The following UBE2H variants were observed in gnomAD, a reference collection of about 807,000 sequenced individuals.
UBE2H encodes ubiquitin conjugating enzyme E2 H, also known as ubiquitin-conjugating enzyme E2 H.
Under a neutral mutation model 29.0 loss-of-function variants are expected in UBE2H, and 3 were observed. The ratio of observed to expected loss-of-function variants is 0.10; its 90% CI spans 0.05 to 0.27. The LOEUF (loss-of-function observed/expected upper bound fraction) is 0.27, where lower values mean the gene tolerates loss of function less well. Ranked by LOEUF, UBE2H falls within the 10% of genes least tolerant of loss-of-function variation. UBE2H has a pLI of 1.00. For synonymous variants in UBE2H, 69 were observed against 82.9 expected (o/e 0.83, Z 0.91); for missense variants, 68 against 228.2 (o/e 0.30, Z 4.52).
chr7:129,858,681 C>A (rs1024183583), intron 4 of UBE2H, among the ~76,000 whole-genome samples: 2 of 151,872 alleles, frequency 1.3e-5, no homozygotes, highest in African/African-American at 4.8e-5. Context: ...AATGAAGGAC[C>A]CAGTCACGAC....
chr7:129,919,250 G>A (rs1168981582), intron 1 of UBE2H, among the ~76,000 whole-genome samples: 1 of 152,010 alleles, frequency 6.6e-6, no homozygotes, highest in African/African-American at 2.4e-5. Flanking sequence ...AAAGACTATA[G>A]TAAACAGCTA....
chr7:129,952,730 G>A lies in UBE2H; in HGVS notation c.-175C>T, dbSNP rs1807908721. On this transcript the variant is annotated 5_prime_UTR_variant, in exon 1 of 7. Transcript: ENST00000355621. ...CCCGCACGGGGGAACACCGGGCACT[G>A]TCCGGCCGGGTGGGGGTGGGGACCC... 6.6e-6 allele frequency: 4 copies of A among 606,214 alleles called. No homozygotes were observed. The highest frequency in any genetic ancestry group is 9.8e-6 in the Non-Finnish European group (4 of 410,074). The allele number at this position is 606,214 out of a possible 1,614,324, so 37.6% of individuals were successfully genotyped here.
intron 3 of UBE2H, among the ~76,000 whole-genome samples, chr7:129,874,668 G>A (rs535408354): frequency 6.6e-6 from 1 of 151,974 alleles, no homozygotes; most frequent in Non-Finnish European, 1.5e-5. Flanking sequence ...CTTATCAAAA[G>A]TATCCCCATT....
chr7:129,878,201 T>C (rs1806184771), intron 3 of UBE2H, among the ~76,000 whole-genome samples: 1 of 152,148 alleles, frequency 6.6e-6, no homozygotes, highest in African/African-American at 2.4e-5. Context: ...ATACAGGTGC[T>C]AAGTCAGATG....
intron 5 of UBE2H, among the ~76,000 whole-genome samples, chr7:129,855,179 T>C (rs1302290138): frequency 2.0e-5 from 3 of 152,238 alleles, no homozygotes; most frequent in Non-Finnish European, 4.4e-5. Flanking sequence ...TATAATTCAG[T>C]GAAACTGTTA....
intron 1 of UBE2H, among the ~76,000 whole-genome samples, chr7:129,942,599 T>C (rs937368254): frequency 6.6e-6 from 1 of 152,194 alleles, no homozygotes; most frequent in African/African-American, 2.4e-5. Context: ...CCTGAGTTTA[T>C]TCCATGTGAA....
intron 1 of UBE2H, among the ~76,000 whole-genome samples, chr7:129,941,294 C>A (rs1266360415): frequency 1.3e-5 from 2 of 151,652 alleles, no homozygotes; most frequent in East Asian, 3.9e-4. Flanking sequence ...CAATGCCCGG[C>A]TAATTTTTTG....
chr7:129,859,103 A>G lies in UBE2H; in HGVS notation c.206-162T>C, dbSNP rs1014065216. On this transcript the variant is annotated intron_variant, in intron 3 of 6. Coordinates refer to ENST00000355621, the MANE Select transcript of UBE2H (RefSeq NM_003344.4). Reference sequence around the variant, plus strand: ...TACTGATAAACATTATATTCTCCTGATAGCTCCAATTATTTGGAATACATC... The same window carrying G: ...TACTGATAAACATTATATTCTCCTGGTAGCTCCAATTATTTGGAATACATC... 6.7e-6 allele frequency: 4 copies of G among 601,454 alleles called. No homozygotes were observed. The African/African-American group carries it at 7.5e-5, about 11-fold the overall frequency. 37.3% of individuals were successfully genotyped at this position (601,454 alleles called of 1,614,324 possible).
intron 5 of UBE2H, among the ~76,000 whole-genome samples, chr7:129,852,446 G>A (rs1040793423): frequency 4.7e-5 from 7 of 149,848 alleles, no homozygotes; most frequent in African/African-American, 7.4e-5. Flanking sequence ...CAGCCTGGGC[G>A]ACAGAGCGAG....
chr7:129,898,119 G>A (rs531275617), intron 1 of UBE2H, among the ~76,000 whole-genome samples: 1 of 152,164 alleles, frequency 6.6e-6, no homozygotes, highest in Non-Finnish European at 1.5e-5. Context: ...ACACCAATAT[G>A]AGTAAATAAG....
chr7:129,914,720 T>A (rs958617145), intron 1 of UBE2H, among the ~76,000 whole-genome samples: 8 of 152,152 alleles, frequency 5.3e-5, no homozygotes, highest in Non-Finnish European at 8.8e-5. Context: ...CCACACTCTC[T>A]GCCAGACAGT....
chr7:129,855,633 T>TAG (rs923624324), intron 5 of UBE2H, among the ~76,000 whole-genome samples: 3 of 151,870 alleles, frequency 2.0e-5, no homozygotes, highest in Admixed American at 6.6e-5. Flanking sequence ...TGCGTGTGTA[T>TAG]AGAGAGAGAG....
At chr7:129,928,399 T>C (rs1216720704) in intron 1 of UBE2H, among the ~76,000 whole-genome samples, 1 of 152,164 alleles carries the variant, frequency 6.6e-6, no homozygotes, top group Non-Finnish European at 1.5e-5. Context: ...GGTCAGGAGT[T>C]CAAGACCAGC....
chr7:129,838,214 TCAA>T (rs1805365378), intron 6 of UBE2H, among the ~76,000 whole-genome samples: 1 of 152,244 alleles, frequency 6.6e-6, no homozygotes, highest in South Asian at 2.1e-4. Flanking sequence ...CTGCTTTATC[TCAA>T]CAACAGCTCC....
At chr7:129,892,840 TTA>T (rs1806524743) in intron 1 of UBE2H, among the ~76,000 whole-genome samples, 1 of 151,346 alleles carries the variant, frequency 6.6e-6, no homozygotes, top group Admixed American at 6.6e-5. Flanking sequence ...TGAGATTACT[TTA>T]TGTTTAAAAA....
chr7:129,947,014 G>C (rs1023949388), intron 1 of UBE2H, among the ~76,000 whole-genome samples: 2 of 150,230 alleles, frequency 1.3e-5, no homozygotes, highest in Admixed American at 6.8e-5. Context: ...TAAAATGCAG[G>C]TCAAGGGGCT....
chr7:129,859,588 T>A (rs1352712752), intron 3 of UBE2H, among the ~76,000 whole-genome samples: 1 of 152,220 alleles, frequency 6.6e-6, no homozygotes, highest in African/African-American at 2.4e-5. Context: ...TGTTGGAGGT[T>A]TAAGTTTTTA....
chr7:129,918,378 T>G lies in UBE2H; in HGVS notation c.53+34125A>C, dbSNP rs1368373201. Among the ~76,000 whole-genome samples, 4 of 150,148 alleles carry G rather than the reference T, an allele frequency of 2.7e-5. No homozygotes were observed. The East Asian group carries it at 7.8e-4, about 29-fold the overall frequency. ...ATCCAAATTCTTTTTTTTTTTTTTTTGAGACAGTCTTGCTCTGTCACCCAG... is the reference window on the plus strand; with the variant it reads ...ATCCAAATTCTTTTTTTTTTTTTTTGGAGACAGTCTTGCTCTGTCACCCAG... On this transcript the variant is annotated intron_variant, in intron 1 of 6. Transcript: ENST00000355621.
chr7:129,865,812 A>C (rs1805893663), intron 3 of UBE2H, among the ~76,000 whole-genome samples: 1 of 152,230 alleles, frequency 6.6e-6, no homozygotes, highest in African/African-American at 2.4e-5. Context: ...AATTGTTTAA[A>C]ATATTCTTAT....
Sources: allele counts gnomAD v4.1 joint callset (sites outside exome capture counted in the v4.1 genomes callset), GRCh38; gene constraint gnomAD v4.1.1; transcripts MANE v1.5; gene names NCBI Gene and HGNC (gene_info 2026-07-23, HGNC 2026-07-21).